Variants in NRXN1 observed in about 807,000 individuals in gnomAD.
The protein encoded by NRXN1 is neurexin-1.
In NRXN1, 39 loss-of-function variants were observed where a neutral mutation model predicts 150.9. The observed-to-expected ratio is 0.26, with a 90% confidence interval of 0.20 to 0.34. NRXN1 has a LOEUF of 0.34. NRXN1 is among the 10% of genes least tolerant of loss of function. NRXN1 has a pLI of 1.00. For missense variants in NRXN1, 1,815 were observed against 1,949.9 expected, an observed-to-expected ratio of 0.93 and a Z score of 1.30; for synonymous variants, 924 against 757.0, an observed-to-expected ratio of 1.22 and a Z score of -3.62.
intron 18 of NRXN1, among the ~76,000 whole-genome samples, chr2:50,134,178 G>A (rs1706011980): frequency 6.6e-6 from 1 of 151,104 alleles, no homozygotes; most frequent in African/African-American, 2.4e-5. Context: ...GACATGCACT[G>A]TGTGATCTGG....
chr2:49,943,681 A>T, intron 22 of NRXN1, 23 bp downstream of exon 22: 1 of 1,532,244 alleles, frequency 6.5e-7, no homozygotes, highest in South Asian at 1.1e-5. Flanking sequence ...AAGCCAAGGA[A>T]GTAAGAAAAA....
intron 22 of NRXN1, among the ~76,000 whole-genome samples, chr2:49,928,784 T>C (rs1382970282): frequency 6.6e-6 from 1 of 152,170 alleles, no homozygotes; most frequent in Non-Finnish European, 1.5e-5. Flanking sequence ...CATGCATTAA[T>C]TTCGACTCAT....
intron 17 of NRXN1, among the ~76,000 whole-genome samples, chr2:50,398,220 A>G (rs1414002273): frequency 6.6e-6 from 1 of 152,118 alleles, no homozygotes; most frequent in Non-Finnish European, 1.5e-5. Context: ...ATTATTTTGC[A>G]TTTCCACTAA....
At chr2:50,810,478 C>T (rs1668065943) in intron 5 of NRXN1, among the ~76,000 whole-genome samples, 1 of 152,074 alleles carries the variant, frequency 6.6e-6, no homozygotes, top group African/African-American at 2.4e-5. Context: ...AAACGTTAAT[C>T]ACTCCAATAA....
chr2:50,642,575 G>A (rs888771720), intron 5 of NRXN1, among the ~76,000 whole-genome samples: 22 of 151,850 alleles, frequency 1.4e-4, no homozygotes, highest in African/African-American at 2.2e-4. Flanking sequence ...AAAGAAAAAG[G>A]AATTCCTTAT....
chr2:50,610,290 C>G (rs1677826770), intron 8 of NRXN1, among the ~76,000 whole-genome samples: 1 of 151,902 alleles, frequency 6.6e-6, no homozygotes, highest in South Asian at 2.1e-4. Context: ...AATGTGTTTT[C>G]TGATCCTTCA....
chr2:50,551,136 G>GA, intron 9 of NRXN1: 1 of 150,012 alleles, frequency 6.7e-6, no homozygotes, highest in East Asian at 2.0e-4. Context: ...GGGGGAGGAA[G>GA]AAAAAATGGT....
chr2:50,795,797 G>T (rs918084350), intron 5 of NRXN1, among the ~76,000 whole-genome samples: 2 of 151,862 alleles, frequency 1.3e-5, no homozygotes, highest in African/African-American at 4.8e-5. Flanking sequence ...TATCCCTATG[G>T]TGCATGGTCT....
Position 50,771,077 on chromosome 2 carries a change from T to C in NRXN1, c.833-147462A>G, listed in dbSNP as rs953736199. Among the ~76,000 whole-genome samples the C allele has an allele frequency of 2.6e-5, 4 of 152,080 alleles. 1 individual carries two copies. The highest frequency in any genetic ancestry group is 2.6e-4 in the Admixed American group (4 of 15,238). Reference sequence around the variant, plus strand: ...GCCATAGTATCATCAGAGGAAGTGATATTCTACTTTAGAGCTAACTGAGAC... The same window carrying C: ...GCCATAGTATCATCAGAGGAAGTGACATTCTACTTTAGAGCTAACTGAGAC... On this transcript the variant is annotated intron_variant, in intron 5 of 22. Coordinates refer to ENST00000401669, the MANE Select transcript of NRXN1 (RefSeq NM_001330078.2).
chr2:50,378,102 G>C (rs1285753679), intron 17 of NRXN1, among the ~76,000 whole-genome samples: 3 of 152,064 alleles, frequency 2.0e-5, no homozygotes, highest in Non-Finnish European at 4.4e-5. Flanking sequence ...CATTCAATAG[G>C]TTAGTCAGTA....
intron 19 of NRXN1, among the ~76,000 whole-genome samples, chr2:50,056,489 G>C (rs1693646540): frequency 6.6e-6 from 1 of 152,072 alleles, no homozygotes; most frequent in African/African-American, 2.4e-5. Flanking sequence ...ACATTAATAT[G>C]TATTTCTCTG....
intron 17 of NRXN1, among the ~76,000 whole-genome samples, chr2:50,439,129 G>C (rs1423187065): frequency 3.3e-5 from 5 of 152,186 alleles, no homozygotes; most frequent in Non-Finnish European, 5.9e-5. Context: ...AAAAGATTGA[G>C]ATCAGACATG....
At chr2:50,929,606 G>A (rs563690800) in intron 2 of NRXN1, among the ~76,000 whole-genome samples, 33 of 152,118 alleles carry the variant, frequency 2.2e-4, no homozygotes, top group East Asian at 2.1e-3. Context: ...AGCACTCCAA[G>A]GTATGGCATA....
intron 2 of NRXN1, chr2:51,026,616 A>C: frequency 1.6e-6 from 1 of 633,844 alleles, no homozygotes; most frequent in South Asian, 1.9e-5. Context: ...ATCTCTTGCA[A>C]TCCCTTACAT....
intron 21 of NRXN1, among the ~76,000 whole-genome samples, chr2:49,997,197 G>T (rs1683143693): frequency 6.6e-6 from 1 of 152,062 alleles, no homozygotes; most frequent in Non-Finnish European, 1.5e-5. Context: ...CCTCCTGCTT[G>T]AAGATAAGAG....
intron 15 of NRXN1, among the ~76,000 whole-genome samples, chr2:50,485,514 G>A (rs542848886): frequency 2.0e-5 from 3 of 152,284 alleles, no homozygotes; most frequent in Admixed American, 6.5e-5. Flanking sequence ...ACTGGCACCC[G>A]ACACGCTGAG....
intron 17 of NRXN1, among the ~76,000 whole-genome samples, chr2:50,458,563 C>T (rs528786987): frequency 6.6e-6 from 1 of 150,480 alleles, no homozygotes; most frequent in Admixed American, 6.7e-5. Context: ...TAAATATGTA[C>T]AACTATCATG....
In NRXN1 at chr2:49,921,832, TCC is replaced by T; in HGVS notation, c.*110_*111del. 1 of 1,055,118 alleles carries T rather than the reference TCC, an allele frequency of 9.5e-7. No homozygotes were observed. The highest frequency in any genetic ancestry group is 1.4e-6 in the Non-Finnish European group (1 of 723,852). The allele number at this position is 1,055,118 out of a possible 1,614,324, so 65.4% of individuals were successfully genotyped here. ...AAAAGTCTTTCCTTCCTGATTGCAT[TCC>T]CTGTCTTCTTTTGTATGTGCTTCAT... On this transcript the variant is annotated 3_prime_UTR_variant, in exon 23 of 23. Transcript: ENST00000401669.
intron 17 of NRXN1, among the ~76,000 whole-genome samples, chr2:50,404,580 G>A (rs936597172): frequency 6.6e-6 from 1 of 152,060 alleles, no homozygotes; most frequent in African/African-American, 2.4e-5. Flanking sequence ...ATCTTCTTTA[G>A]CCTATTTTCT....
Sources: gnomAD v4.1 joint callset for allele counts (sites outside exome capture counted in the v4.1 genomes callset) on GRCh38, gnomAD v4.1.1 for gene constraint, MANE v1.5 for transcripts, NCBI Gene and HGNC (gene_info 2026-07-23, HGNC 2026-07-21) for gene names.